MYPN: variants seen among roughly 807,000 people sequenced by gnomAD.
MYPN encodes myopalladin, also known as sarcomeric protein myopalladin, 145 kDa (MYOP).
In MYPN, 63 loss-of-function variants were observed where a neutral mutation model predicts 129.4. The observed-to-expected ratio is 0.49, with a 90% CI of 0.40 to 0.60. MYPN has a LOEUF of 0.60. Among genes scored for constraint, MYPN ranks in the 20% least tolerant of loss-of-function variants. The probability of loss-of-function intolerance (pLI) is 0.00; values close to 1 mark genes in which losing one functional copy is unlikely to be tolerated. For missense variants in MYPN, 1,596 were observed against 1,635.4 expected, an observed-to-expected ratio of 0.98 and a Z score of 0.42; for synonymous variants, 629 against 600.9, an observed-to-expected ratio of 1.05 and a Z score of -0.68.
Position 68,189,114 on chromosome 10 carries a change from A to T in MYPN, c.2913A>T (p.Ile971=). The change falls in exon 13 of 20, where the codon ATA becomes ATT. Residue 971 remains isoleucine (I), a synonymous_variant. Transcript: ENST00000358913. ...PVTFTCKIVG[I]PVPKVYWFKD... ...CATTCACCTGCAAAATTGTTGGGATACCTGTTCCAAAGGTAGGGAAGATGA... is the reference window on the plus strand; with the variant it reads ...CATTCACCTGCAAAATTGTTGGGATTCCTGTTCCAAAGGTAGGGAAGATGA... 1 of 1,613,892 alleles carries T rather than the reference A, an allele frequency of 6.2e-7. No individual in the cohort carries two copies. Among genetic ancestry groups the T allele is most frequent in the Non-Finnish European group, 8.5e-7 (1 of 1,179,818 alleles).
chr10:68,174,111 A>T lies in MYPN; in HGVS notation c.2019A>T (p.Glu673Asp). Residue 673 changes from glutamate to aspartate, a missense_variant, in exon 11 of 20, where the codon GAA becomes GAT. By Grantham distance (45) the Glu-to-Asp change is conservative. Transcript: ENST00000358913. The part of the protein sequence containing the change: ...LQQLHNQVLL[E>D]QHQLQNPPPS... The stretch of plus-strand genomic sequence containing the variant: ...AGCTTCATAACCAAGTCTTACTGGA[A>T]CAACACCAATTGCAAAACCCACCTC... The T allele has an allele frequency of 6.2e-7, 1 of 1,614,178 alleles. No homozygotes were observed. Among genetic ancestry groups the T allele is most frequent in the Non-Finnish European group, 8.5e-7 (1 of 1,180,036 alleles).
chr10:68,173,253 A>G (rs1200425291), intron 10 of MYPN, among the ~76,000 whole-genome samples: 2 of 152,210 alleles, frequency 1.3e-5, no homozygotes, highest in African/African-American at 4.8e-5. Context: ...AAAACAAGGC[A>G]GAGTGGAGAA....
chr10:68,095,754 G>T (rs1297010263), intron 1 of MYPN, among the ~76,000 whole-genome samples: 1 of 114,358 alleles, frequency 8.7e-6, no homozygotes, highest in African/African-American at 4.9e-5. Context: ...GCCAGCAGTT[G>T]GGGGAAGAGG....
chr10:68,190,379 G>A (rs1265512810), intron 13 of MYPN, among the ~76,000 whole-genome samples: 1 of 152,082 alleles, frequency 6.6e-6, no homozygotes. Context: ...TAGAGACGGG[G>A]TTTCACCATG....
At chr10:68,122,856 C>T (rs1340959135) in intron 2 of MYPN, among the ~76,000 whole-genome samples, 3 of 151,952 alleles carry the variant, frequency 2.0e-5, no homozygotes, top group African/African-American at 7.3e-5. Context: ...GAGCCGAGAT[C>T]GCGCCACTGC....
At chr10:68,182,319 ATAACATATATATAACACAC>A (rs2043333337) in intron 12 of MYPN, among the ~76,000 whole-genome samples, 1 of 77,076 alleles carries the variant, frequency 1.3e-5, no homozygotes, top group Non-Finnish European at 2.9e-5. Flanking sequence ...ACACATATAT[ATAACATATATATAACACAC>A]ACATATATAA....
chr10:68,193,283 C>A (rs921751579), intron 13 of MYPN, among the ~76,000 whole-genome samples: 3 of 151,926 alleles, frequency 2.0e-5, no homozygotes, highest in Non-Finnish European at 4.4e-5. Context: ...AAAACCCCAT[C>A]AGGAATGAGA....
At chr10:68,185,218 T>C (rs1370338372) in intron 12 of MYPN, among the ~76,000 whole-genome samples, 13 of 100,290 alleles carry the variant, frequency 1.3e-4, no homozygotes, top group African/African-American at 3.8e-4. Flanking sequence ...AGGGAAGAAG[T>C]GAAAAGAAAA....
At chr10:68,098,794 G>A (rs1212898183) in intron 1 of MYPN, among the ~76,000 whole-genome samples, 1 of 152,134 alleles carries the variant, frequency 6.6e-6, no homozygotes, top group African/African-American at 2.4e-5. Flanking sequence ...AGTGAGCTGA[G>A]ATCATGCCAT....
At chr10:68,173,832 A>ATTTTTTT (rs373049187) in intron 10 of MYPN, among the ~76,000 whole-genome samples, 1 of 81,810 alleles carries the variant, frequency 1.2e-5, no homozygotes, top group Non-Finnish European at 2.9e-5. Context: ...TGTATATATA[A>ATTTTTTT]TTTTTTTTTT....
upstream of MYPN, among the ~76,000 whole-genome samples, chr10:68,103,738 TCAGGA>T (rs2041992699): frequency 6.6e-6 from 1 of 152,106 alleles, no homozygotes; most frequent in Non-Finnish European, 1.5e-5. Flanking sequence ...TCACCTGAGG[TCAGGA>T]GTTCAAAACC....
chr10:68,113,412 G>A (rs1397880344), intron 1 of MYPN, among the ~76,000 whole-genome samples: 1 of 152,124 alleles, frequency 6.6e-6, no homozygotes, highest in East Asian at 1.9e-4. Context: ...AAAGACACAT[G>A]TAGCTAGGTG....
In MYPN at chr10:68,200,686, A is replaced by C. The variant is rs2043694716; in HGVS notation, c.3493+1111A>C. On this transcript the variant is annotated intron_variant, in intron 17 of 19. Transcript: ENST00000358913. ...GGCAGGAGAATCGCTTGAACCCGGGAGGTGGAGGTTGCAGTCAGCCAAGAT... is the reference window on the plus strand; with the variant it reads ...GGCAGGAGAATCGCTTGAACCCGGGCGGTGGAGGTTGCAGTCAGCCAAGAT... Among the ~76,000 whole-genome samples, 4 of 152,034 alleles carry C rather than the reference A, an allele frequency of 2.6e-5. No individual in the cohort carries two copies. In the South Asian group the frequency reaches 8.3e-4, roughly 32 times the overall value.
chr10:68,093,467 G>A (rs75578833), intron 1 of MYPN, among the ~76,000 whole-genome samples: 1 of 151,590 alleles, frequency 6.6e-6, no homozygotes, highest in Non-Finnish European at 1.5e-5. Context: ...GGCCGAGCGT[G>A]GTGGCTCATG....
Position 68,146,122 on chromosome 10 carries a change from T to A in MYPN, c.1130+596T>A, listed in dbSNP as rs1017033689. On this transcript the variant is annotated intron_variant, in intron 4 of 19. Transcript: ENST00000358913. The stretch of plus-strand genomic sequence containing the variant: ...CAAACACAAAACAAACAGCAACATT[T>A]AAAAAAAATCTTAACATGGCATACA... Among the ~76,000 whole-genome samples, 707 of 152,138 alleles carry A rather than the reference T, an allele frequency of 4.6e-3. 4 individuals are homozygous for A. The highest frequency in any genetic ancestry group is 0.016 in the African/African-American group (676 of 41,472).
chr10:68,165,295 T>C (rs1230088526), intron 8 of MYPN, among the ~76,000 whole-genome samples: 1 of 152,102 alleles, frequency 6.6e-6, no homozygotes, highest in Non-Finnish European at 1.5e-5. Context: ...CTACTAAAAA[T>C]ACAAAAATTA....
At chr10:68,122,617 G>C (rs968499272) in intron 2 of MYPN, among the ~76,000 whole-genome samples, 1 of 152,076 alleles carries the variant, frequency 6.6e-6, no homozygotes, top group Non-Finnish European at 1.5e-5. Flanking sequence ...AAACATTATC[G>C]TAGGCTGGGC....
At chr10:68,198,563 TA>T (rs2134295254) in intron 16 of MYPN, among the ~76,000 whole-genome samples, 1 of 152,294 alleles carries the variant, frequency 6.6e-6, no homozygotes, top group South Asian at 2.1e-4. Flanking sequence ...GCTGCCTAAA[TA>T]ATATTCGGAT....
chr10:68,087,942 G>T (rs913486814), exon 1 of MYPN, among the ~76,000 whole-genome samples: 5 of 152,160 alleles, frequency 3.3e-5, no homozygotes, highest in African/African-American at 1.2e-4. Context: ...TGGGAGTCCC[G>T]GCTGGAACTA....
Sources: gnomAD v4.1 joint callset for allele counts (sites outside exome capture counted in the v4.1 genomes callset) on GRCh38, gnomAD v4.1.1 for gene constraint, MANE v1.5 for transcripts, NCBI Gene and HGNC (gene_info 2026-07-23, HGNC 2026-07-21) for gene names.